Variants in WWOX observed in about 807,000 individuals in gnomAD.
WWOX encodes WW domain-containing oxidoreductase.
A neutral mutation model predicts 46.2 loss-of-function variants in WWOX; 69 were observed. The ratio of observed to expected loss-of-function variants is 1.49; its 90% CI spans 1.23 to 1.82. The LOEUF is 1.82. Among genes scored for constraint, WWOX ranks in the 40% most tolerant of loss-of-function variants. WWOX has a pLI of 0.00. For synonymous variants in WWOX, 359 were observed against 202.6 expected, an observed-to-expected ratio of 1.77 and a Z score of -6.56; for missense variants, 919 against 542.6, an observed-to-expected ratio of 1.69 and a Z score of -6.89.
At chr16:78,817,163 A>G (rs888178997) in intron 8 of WWOX, among the ~76,000 whole-genome samples, 14 of 95,716 alleles carry the variant, frequency 1.5e-4, no homozygotes, top group African/African-American at 3.9e-4. Flanking sequence ...CTTAAACATT[A>G]GTGCTATTCT....
intron 8 of WWOX, among the ~76,000 whole-genome samples, chr16:79,200,112 G>A (rs1036036118): frequency 2.6e-5 from 4 of 152,154 alleles, no homozygotes; most frequent in Non-Finnish European, 4.4e-5. Flanking sequence ...ATTTGCAGAA[G>A]AGAACACTGC....
intron 1 of WWOX, among the ~76,000 whole-genome samples, chr16:78,102,569 C>T (rs1181662792): frequency 6.6e-6 from 1 of 152,248 alleles, no homozygotes; most frequent in African/African-American, 2.4e-5. Flanking sequence ...TTCCTCTCAC[C>T]TGTACATCTG....
intron 4 of WWOX, among the ~76,000 whole-genome samples, chr16:78,131,519 TC>T (rs1204092006): frequency 6.6e-6 from 1 of 152,100 alleles, no homozygotes; most frequent in African/African-American, 2.4e-5. Flanking sequence ...CTGGCGAAAC[TC>T]TGGGTAGTTT....
chr16:78,777,737 A>G (rs941718375), intron 8 of WWOX, among the ~76,000 whole-genome samples: 4 of 152,184 alleles, frequency 2.6e-5, no homozygotes, highest in African/African-American at 9.7e-5. Flanking sequence ...ATACTAGGAT[A>G]GGCACTTTGC....
At chr16:79,155,157 C>G (rs1307692374) in intron 8 of WWOX, among the ~76,000 whole-genome samples, 17 of 152,198 alleles carry the variant, frequency 1.1e-4, no homozygotes. Context: ...GCAGGCAGAT[C>G]ATGAAGTCAA....
intron 5 of WWOX, among the ~76,000 whole-genome samples, chr16:78,171,878 G>T (rs545332474): frequency 6.6e-6 from 1 of 152,306 alleles, no homozygotes; most frequent in South Asian, 2.1e-4. Flanking sequence ...TGGGGCGTTT[G>T]CAAAATGTCC....
chr16:78,718,631 C>G (rs780349515), intron 8 of WWOX, among the ~76,000 whole-genome samples: 2 of 151,770 alleles, frequency 1.3e-5, no homozygotes, highest in Non-Finnish European at 2.9e-5. Context: ...TCCCTTGAGC[C>G]CAGGATTTTG....
At chr16:78,813,989 G>T (rs766749825) in intron 8 of WWOX, among the ~76,000 whole-genome samples, 2 of 152,070 alleles carry the variant, frequency 1.3e-5, no homozygotes, top group Non-Finnish European at 2.9e-5. Flanking sequence ...TTATATCTCC[G>T]CTGGTTTAAG....
chr16:79,040,848 A>G (rs181708158), intron 8 of WWOX, among the ~76,000 whole-genome samples: 6 of 152,102 alleles, frequency 3.9e-5, no homozygotes, highest in East Asian at 3.9e-4. Context: ...TTTTTTTCCG[A>G]TCACAGAAAG....
At chr16:78,204,474 C>A (rs1402430781) in intron 5 of WWOX, among the ~76,000 whole-genome samples, 4 of 151,668 alleles carry the variant, frequency 2.6e-5, no homozygotes, top group African/African-American at 9.7e-5. Flanking sequence ...CTATAGTCAC[C>A]CTGTTGTGTT....
chr16:79,089,957 A>G (rs1030458518), intron 8 of WWOX: 11 of 147,448 alleles, frequency 7.5e-5, no homozygotes, highest in Admixed American at 5.5e-4. Flanking sequence ...AAGAGTGAAC[A>G]CTGGAAAAAA....
rs905488250 is a variant in WWOX at position 79,170,588 on chromosome 16, C to T, written c.1057-41020C>T. On this transcript the variant is annotated intron_variant, in intron 8 of 8. Coordinates refer to ENST00000566780, the MANE Select transcript of WWOX (RefSeq NM_016373.4). Reference sequence around the variant, plus strand: ...TCTAGGAGCAAATGATTGCTTGATTCTATTGTAGAAAATAAAAATTTTTTA... The same window carrying T: ...TCTAGGAGCAAATGATTGCTTGATTTTATTGTAGAAAATAAAAATTTTTTA... Among the ~76,000 whole-genome samples, 29 of 147,828 alleles carry T rather than the reference C, an allele frequency of 2.0e-4. 1 individual carries two copies. Among genetic ancestry groups the T allele is most frequent in the Admixed American group, 9.6e-4 (14 of 14,566 alleles).
rs372745108 is a variant in WWOX at position 79,040,673 on chromosome 16, A to G, written c.1057-170935A>G. Among the ~76,000 whole-genome samples, 14 of 151,520 alleles carry G rather than the reference A, an allele frequency of 9.2e-5. No homozygotes were observed. In the South Asian group the frequency reaches 1.9e-3, roughly 20 times the overall value. On this transcript the variant is annotated intron_variant, in intron 8 of 8. Transcript: ENST00000566780. ...GCTTTAGTTCCCACCCTCATCATCA[A>G]CCCCTCCCCAGCTACCCTGCAAAAG... is the stretch of plus-strand genomic sequence containing the variant.
intron 8 of WWOX, chr16:78,896,418 C>G (rs2044701626): frequency 6.6e-6 from 1 of 152,126 alleles, no homozygotes; most frequent in Non-Finnish European, 1.5e-5. Flanking sequence ...ATCGTGTATT[C>G]TACATCCGTT....
intron 8 of WWOX, among the ~76,000 whole-genome samples, chr16:78,992,502 A>G (rs909656205): frequency 4.6e-5 from 7 of 152,140 alleles, no homozygotes; most frequent in African/African-American, 1.7e-4. Context: ...ATTTGGCTCC[A>G]GTGAGCTCAT....
intron 8 of WWOX, among the ~76,000 whole-genome samples, chr16:78,768,445 C>T (rs1453261298): frequency 6.6e-6 from 1 of 151,938 alleles, no homozygotes. Flanking sequence ...CAACAATTAG[C>T]CAGGTGTGGT....
chr16:79,150,662 C>G (rs1015820227), intron 8 of WWOX, among the ~76,000 whole-genome samples: 1 of 152,098 alleles, frequency 6.6e-6, no homozygotes, highest in Non-Finnish European at 1.5e-5. Flanking sequence ...TTAAATCATC[C>G]CTTTTTCTTG....
chr16:78,599,396 C>T (rs527328691), intron 8 of WWOX, among the ~76,000 whole-genome samples: 1 of 152,200 alleles, frequency 6.6e-6, no homozygotes, highest in Non-Finnish European at 1.5e-5. Flanking sequence ...ACCAAAGGGC[C>T]TGCTGCCCTG....
At chr16:78,495,142 G>A (rs536851110) in intron 8 of WWOX, among the ~76,000 whole-genome samples, 6 of 46,946 alleles carry the variant, frequency 1.3e-4, no homozygotes, top group East Asian at 1.9e-3. Context: ...AGACTGTTGT[G>A]TTCTTTTTTT....
Sources: gnomAD v4.1 joint callset for allele counts (sites outside exome capture counted in the v4.1 genomes callset) on GRCh38, gnomAD v4.1.1 for gene constraint, MANE v1.5 for transcripts, NCBI Gene and HGNC (gene_info 2026-07-23, HGNC 2026-07-21) for gene names.